The following GATB variants were observed in gnomAD, a reference collection of about 807,000 sequenced individuals.
GATB encodes the protein glutamyl-tRNA(Gln) amidotransferase subunit B, mitochondrial.
A neutral mutation model predicts 62.3 loss-of-function variants in GATB; 39 were observed. That is an observed-to-expected ratio of 0.63 (90% CI 0.48 to 0.82). GATB has a LOEUF of 0.82. Among genes scored for constraint, GATB ranks in the 40% least tolerant of loss-of-function variants. The pLI is 0.00. For synonymous variants in GATB, 276 were observed against 258.9 expected, an observed-to-expected ratio of 1.07 and a Z score of -0.63; for missense variants, 670 against 684.0, an observed-to-expected ratio of 0.98 and a Z score of 0.23.
intron 9 of GATB, among the ~76,000 whole-genome samples, chr4:151,690,625 A>C (rs1459085544): frequency 6.6e-6 from 1 of 152,232 alleles, no homozygotes; most frequent in East Asian, 1.9e-4. Context: ...TTCTAAATCC[A>C]CCTAGAAATA....
At chr4:151,722,609 C>T (rs1410724752) in intron 2 of GATB, 1 of 179,992 alleles carries the variant, frequency 5.6e-6, no homozygotes, top group African/African-American at 2.4e-5. Context: ...GACGTCACCA[C>T]TTCTGTGAAG....
intron 2 of GATB, chr4:151,722,032 G>A (rs6817586): frequency 0.52 from 310,575 of 594,140 alleles, 85,588 homozygotes; most frequent in African/African-American, 0.86. Flanking sequence ...ATAAGCATCA[G>A]TCATCACACG....
chr4:151,710,250 C>T (rs926918131), intron 5 of GATB, among the ~76,000 whole-genome samples: 1 of 152,320 alleles, frequency 6.6e-6, no homozygotes, highest in East Asian at 1.9e-4. Flanking sequence ...TCAAGGGCAT[C>T]ACTCTCAGTT....
chr4:151,689,687 C>G (rs551031559), intron 9 of GATB, among the ~76,000 whole-genome samples: 1 of 151,562 alleles, frequency 6.6e-6, no homozygotes, highest in African/African-American at 2.4e-5. Flanking sequence ...AACCTAATAT[C>G]AGCAGACGGA....
At chr4:151,672,934 AGTC>A (rs752085185) in intron 11 of GATB, 38 bp from the exon 12 acceptor site, 2 of 1,610,010 alleles carry the variant, frequency 1.2e-6, no homozygotes, top group East Asian at 4.5e-5. Context: ...AGAAATGAGA[AGTC>A]AGCTCTTCTG....
At chr4:151,744,723 T>G (rs1184470042) in intron 2 of GATB, among the ~76,000 whole-genome samples, 1 of 152,134 alleles carries the variant, frequency 6.6e-6, no homozygotes, top group Non-Finnish European at 1.5e-5. Flanking sequence ...AAGAACCCAC[T>G]GAAAGTTAGA....
intron 12 of GATB, among the ~76,000 whole-genome samples, chr4:151,671,622 G>GAAAA: frequency 6.6e-6 from 1 of 152,288 alleles, no homozygotes; most frequent in African/African-American, 2.4e-5. Context: ...TGAGTCTGGG[G>GAAAA]AGGGATAATC....
At chr4:151,758,452 A>G (rs1227411278) in intron 2 of GATB, among the ~76,000 whole-genome samples, 1 of 152,178 alleles carries the variant, frequency 6.6e-6, no homozygotes, top group Non-Finnish European at 1.5e-5. Context: ...TTTATAAGAC[A>G]CATCTCCCCT....
intron 2 of GATB, among the ~76,000 whole-genome samples, chr4:151,754,609 AG>A (rs1289052909): frequency 6.6e-6 from 1 of 152,272 alleles, no homozygotes; most frequent in African/African-American, 2.4e-5. Context: ...AAATGTCTAC[AG>A]AAAGACTATA....
intron 2 of GATB, among the ~76,000 whole-genome samples, chr4:151,727,729 T>C (rs1739164151): frequency 1.3e-5 from 2 of 152,214 alleles, no homozygotes; most frequent in Admixed American, 1.3e-4. Context: ...GGCCTCACTT[T>C]CCTTATCTGT....
At chr4:151,683,656 G>A (rs1738189709) in intron 10 of GATB, among the ~76,000 whole-genome samples, 1 of 152,214 alleles carries the variant, frequency 6.6e-6, no homozygotes. Context: ...GAGCTAGGGT[G>A]CGCATATTTG....
chr4:151,736,420 G>A (rs1296222763), intron 2 of GATB, among the ~76,000 whole-genome samples: 1 of 152,070 alleles, frequency 6.6e-6, no homozygotes, highest in Non-Finnish European at 1.5e-5. Flanking sequence ...TTTTCTATCA[G>A]TGCTTCCATT....
At chr4:151,679,587 A>G (rs1738093645) in intron 11 of GATB, among the ~76,000 whole-genome samples, 1 of 152,116 alleles carries the variant, frequency 6.6e-6, no homozygotes, top group South Asian at 2.1e-4. Context: ...GACAATAACT[A>G]TTTCCCCAGG....
chr4:151,708,139 T>C (rs1738751571), intron 5 of GATB, 38 bp from the exon 6 acceptor site: 1 of 1,374,918 alleles, frequency 7.3e-7, no homozygotes, highest in Non-Finnish European at 1.0e-6. Flanking sequence ...TAGAAATTCT[T>C]TGAGGTGACA....
At chr4:151,713,285 T>C (rs2126975792) in intron 5 of GATB, among the ~76,000 whole-genome samples, 1 of 152,312 alleles carries the variant, frequency 6.6e-6, no homozygotes, top group Admixed American at 6.5e-5. Flanking sequence ...AGACGATCAA[T>C]GTAATGCACT....
intron 5 of GATB, among the ~76,000 whole-genome samples, chr4:151,711,170 G>C (rs1484400938): frequency 6.6e-6 from 1 of 152,238 alleles, no homozygotes; most frequent in East Asian, 1.9e-4. Context: ...GTCCAAAACA[G>C]CATCATCTTC....
intron 2 of GATB, among the ~76,000 whole-genome samples, chr4:151,748,982 T>C (rs550669289): frequency 1.3e-5 from 2 of 152,310 alleles, no homozygotes; most frequent in Admixed American, 1.3e-4. Context: ...CCAGTTAGAA[T>C]GGCGATCATT....
chr4:151,745,862 C>T (rs1739584702), intron 2 of GATB, among the ~76,000 whole-genome samples: 1 of 152,130 alleles, frequency 6.6e-6, no homozygotes, highest in Non-Finnish European at 1.5e-5. Flanking sequence ...ACAGGCTGAT[C>T]CTGAGAAAAG....
chr4:151,731,808 C>T (rs1165593904), intron 2 of GATB, among the ~76,000 whole-genome samples: 6 of 151,402 alleles, frequency 4.0e-5, no homozygotes, highest in African/African-American at 1.5e-4. Flanking sequence ...CCGGCCGCCC[C>T]GTCTGAGAAG....
Sources: allele counts gnomAD v4.1 joint callset (sites outside exome capture counted in the v4.1 genomes callset), GRCh38; gene constraint gnomAD v4.1.1; transcripts MANE v1.5; gene names NCBI Gene and HGNC (gene_info 2026-07-23, HGNC 2026-07-21).